DLG2: variants seen among roughly 807,000 people sequenced by gnomAD.
DLG2 encodes disks large homolog 2.
Under a neutral mutation model 132.5 loss-of-function variants are expected in DLG2, and 45 were observed. The observed-to-expected ratio is 0.34, with a 90% CI of 0.27 to 0.44. The LOEUF (loss-of-function observed/expected upper bound fraction) is 0.44, where lower values mean the gene tolerates loss of function less well. DLG2 is among the 20% of genes least tolerant of loss of function. The probability of loss-of-function intolerance (pLI) is 1.00; values close to 1 mark genes in which losing one functional copy is unlikely to be tolerated. For synonymous variants in DLG2, 424 were observed against 419.6 expected (o/e 1.01, Z -0.13); for missense variants, 1,045 against 1,196.9 (o/e 0.87, Z 1.87).
intron 5 of DLG2, among the ~76,000 whole-genome samples, chr11:85,127,649 G>T (rs1017560307): frequency 6.6e-6 from 1 of 152,128 alleles, no homozygotes; most frequent in African/African-American, 2.4e-5. Flanking sequence ...TAAATGTGAT[G>T]CTTCTACCAT....
intron 4 of DLG2, among the ~76,000 whole-genome samples, chr11:85,180,804 T>C (rs115265971): frequency 8.2e-4 from 124 of 151,916 alleles, no homozygotes; most frequent in African/African-American, 2.7e-3. Flanking sequence ...CAAGTTTACA[T>C]AGACTTTCAT....
At chr11:84,185,533 T>G (rs538438783) in intron 8 of DLG2, among the ~76,000 whole-genome samples, 1 of 152,302 alleles carries the variant, frequency 6.6e-6, no homozygotes, top group African/African-American at 2.4e-5. Context: ...ACGATTTGAC[T>G]TCCTCTTTTC....
At chr11:85,358,495 A>G (rs1051558886) in intron 3 of DLG2, among the ~76,000 whole-genome samples, 4 of 152,224 alleles carry the variant, frequency 2.6e-5, no homozygotes, top group African/African-American at 9.6e-5. Context: ...CATGCTCTAA[A>G]AATTATTGCA....
Position 85,154,551 on chromosome 11 carries a change from CTTACAG to C in DLG2, c.281_282+4del, listed in dbSNP as rs1313892213. On this transcript the variant is annotated splice_donor_variant and splice_donor_region_variant and coding_sequence_variant and intron_variant, in exon 5 of 28. Coordinates refer to ENST00000376104, the MANE Select transcript of DLG2 (RefSeq NM_001142699.3). LOFTEE classifies it high-confidence loss of function. Reference sequence around the variant, plus strand: ...AGTAAGAAAAGAAAACAGTATAACACTTACAGTTGTCGTCTCATCAGTTTCATTTTC... The same window carrying C: ...AGTAAGAAAAGAAAACAGTATAACACTTGTCGTCTCATCAGTTTCATTTTC... 7.2e-7 allele frequency: 1 copy of C among 1,394,038 alleles called. No homozygotes were observed. Among genetic ancestry groups the C allele is most frequent in the East Asian group, 2.5e-5 (1 of 40,092 alleles). The allele number at this position is 1,394,038 out of a possible 1,614,324, so 86.4% of individuals were successfully genotyped here.
chr11:83,597,818 CACAA>C (rs2057882258), intron 19 of DLG2, among the ~76,000 whole-genome samples: 5 of 148,096 alleles, frequency 3.4e-5, no homozygotes, highest in Non-Finnish European at 7.5e-5. Flanking sequence ...AACAAACAAA[CACAA>C]AAACCAAAAC....
chr11:85,478,039 G>A (rs186388410), intron 3 of DLG2, among the ~76,000 whole-genome samples: 21 of 151,448 alleles, frequency 1.4e-4, no homozygotes, highest in Middle Eastern at 3.4e-3. Flanking sequence ...GACAGCTTTC[G>A]TTCTGTCACC....
intron 3 of DLG2, among the ~76,000 whole-genome samples, chr11:85,487,132 G>T (rs1432664946): frequency 6.7e-6 from 1 of 149,292 alleles, no homozygotes; most frequent in Non-Finnish European, 1.5e-5. Flanking sequence ...GTATATACAA[G>T]ATATATATAT....
chr11:84,493,007 C>G (rs184745499), intron 7 of DLG2, among the ~76,000 whole-genome samples: 1 of 151,978 alleles, frequency 6.6e-6, no homozygotes, highest in Non-Finnish European at 1.5e-5. Context: ...AATGAAATGG[C>G]CATTGGGTAT....
chr11:84,424,118 GATGC>G (rs2098959139), intron 7 of DLG2, among the ~76,000 whole-genome samples: 1 of 152,132 alleles, frequency 6.6e-6, no homozygotes, highest in Non-Finnish European at 1.5e-5. Context: ...CTCTTGAATA[GATGC>G]TTTTCAAGTT....
At chr11:84,543,928 A>G (rs2099384358) in intron 6 of DLG2, among the ~76,000 whole-genome samples, 1 of 152,212 alleles carries the variant, frequency 6.6e-6, no homozygotes, top group Admixed American at 6.5e-5. Context: ...CTTGCAGCTG[A>G]CAGAGCTTTG....
chr11:84,963,813 G>T (rs1443789736), intron 6 of DLG2, among the ~76,000 whole-genome samples: 1 of 152,032 alleles, frequency 6.6e-6, no homozygotes, highest in Non-Finnish European at 1.5e-5. Flanking sequence ...AGGTAACTTG[G>T]CATCAGAGAA....
chr11:84,532,002 T>C (rs890891668), intron 7 of DLG2, among the ~76,000 whole-genome samples: 2 of 151,834 alleles, frequency 1.3e-5, no homozygotes, highest in Admixed American at 6.6e-5. Context: ...AGTAGCATAA[T>C]AAATGATGGT....
intron 4 of DLG2, among the ~76,000 whole-genome samples, chr11:85,250,767 T>C (rs1424600465): frequency 6.6e-6 from 1 of 152,184 alleles, no homozygotes; most frequent in Non-Finnish European, 1.5e-5. Context: ...GAACTTTAAG[T>C]TTCAGAAGCT....
intron 2 of DLG2, among the ~76,000 whole-genome samples, chr11:85,622,441 G>C: frequency 6.6e-6 from 1 of 151,708 alleles, no homozygotes; most frequent in East Asian, 1.9e-4. Flanking sequence ...AAAAAAAAAT[G>C]ATTTTAAGAA....
At chr11:85,381,939 C>T (rs936261621) in intron 3 of DLG2, among the ~76,000 whole-genome samples, 64 of 152,120 alleles carry the variant, frequency 4.2e-4, no homozygotes, top group African/African-American at 1.5e-3. Flanking sequence ...TCCACATGAC[C>T]TTTATCAAAA....
At chr11:85,256,059 C>A (rs2076649026) in intron 4 of DLG2, among the ~76,000 whole-genome samples, 1 of 152,164 alleles carries the variant, frequency 6.6e-6, no homozygotes. Context: ...AAAGGCCCAA[C>A]CTCCAGGCCT....
chr11:83,702,602 T>C (rs2083157934), intron 18 of DLG2, among the ~76,000 whole-genome samples: 1 of 152,194 alleles, frequency 6.6e-6, no homozygotes, highest in South Asian at 2.1e-4. Flanking sequence ...TAGGCCACCT[T>C]GCACTGCTAA....
intron 8 of DLG2, among the ~76,000 whole-genome samples, chr11:84,165,347 G>C (rs917056110): frequency 3.3e-5 from 5 of 152,124 alleles, no homozygotes; most frequent in Non-Finnish European, 7.4e-5. Context: ...GCATAGTTGT[G>C]GCCTATCAAA....
intron 7 of DLG2, among the ~76,000 whole-genome samples, chr11:84,264,888 G>A (rs1215674392): frequency 6.6e-6 from 1 of 152,150 alleles, no homozygotes. Context: ...AGGACTGGCT[G>A]TGGCCCTGTA....
Sources: gnomAD v4.1 joint callset for allele counts (sites outside exome capture counted in the v4.1 genomes callset) on GRCh38, gnomAD v4.1.1 for gene constraint, MANE v1.5 for transcripts, NCBI Gene and HGNC (gene_info 2026-07-23, HGNC 2026-07-21) for gene names.